The following TMEM145 variants were observed in gnomAD, a reference collection of about 807,000 sequenced individuals.
TMEM145 encodes transmembrane protein 145.
Under a neutral mutation model 68.5 loss-of-function variants are expected in TMEM145, and 46 were observed. The observed-to-expected ratio is 0.67, with a 90% CI of 0.53 to 0.86. The LOEUF is 0.86. Ranked by LOEUF, TMEM145 falls within the 40% of genes least tolerant of loss-of-function variation. The probability of loss-of-function intolerance (pLI) is 0.00; values close to 1 mark genes in which losing one functional copy is unlikely to be tolerated. For synonymous variants in TMEM145, 255 were observed against 280.2 expected, an observed-to-expected ratio of 0.91 and a Z score of 0.90; for missense variants, 570 against 645.8, an observed-to-expected ratio of 0.88 and a Z score of 1.27.
In TMEM145 at chr19:42,317,727, G is replaced by T; in HGVS notation, c.919G>T (p.Val307Leu). The T allele has an allele frequency of 6.2e-7, 1 of 1,614,184 alleles. No homozygotes were observed. The highest frequency in any genetic ancestry group is 1.1e-5 in the South Asian group (1 of 91,088). ...GGTCTAGTTCTTTGACCCAGGCCAG[G>T]TACTGTACACGTATGAGTCGCCGGC... ...YEAEFFDPGQ[V>L]LYTYESPAGY... is the part of the protein sequence containing the mutation. The change falls in exon 12 of 15, where the codon GTA (valine) becomes TTA (leucine). Residue 307 changes from valine (V) to leucine (L), a missense_variant. Transcript: ENST00000301204.
Position 42,322,980 on chromosome 19 carries a change from C to T in TMEM145, c.1195-603C>T, listed in dbSNP as rs372683276. On this transcript the variant is annotated intron_variant, in intron 13 of 14. Coordinates refer to ENST00000301204, the MANE Select transcript of TMEM145 (RefSeq NM_173633.3). ...CCTCCCCAAGTGCTGGGATTACAGG[C>T]GTGAGCCATGGCGCCTTGCCCACCA... 1.9e-4 allele frequency among the ~76,000 whole-genome samples: 29 copies of T among 152,298 alleles called. No homozygotes were observed. In the East Asian group the frequency reaches 2.9e-3, roughly 15 times the overall value.
intron 8 of TMEM145, 126 bp from the exon 9 acceptor site, chr19:42,316,355 C>G (rs768675118): frequency 1.1e-6 from 1 of 880,142 alleles, no homozygotes; most frequent in South Asian, 1.5e-5. Context: ...GCAGGTGAGT[C>G]GGGGTAGAAG....
At position 42,314,797 on chromosome 19, in the gene TMEM145, A is replaced by T; in HGVS notation, c.366A>T (p.Val122=). 6.2e-7 allele frequency: 1 copy of T among 1,614,210 alleles called. No individual in the cohort carries two copies. Among genetic ancestry groups the T allele is most frequent in the Non-Finnish European group, 8.5e-7 (1 of 1,180,024 alleles). Residue 122 remains valine, a synonymous_variant, in exon 5 of 15, where the codon GTA becomes GTT. Coordinates refer to ENST00000301204, the MANE Select transcript of TMEM145 (RefSeq NM_173633.3). ...TQYAWSGCQV[V]SEEGTRYLSC... Reference sequence around the variant, plus strand: ...GCCTTCTCGTTTGTCCCCAGGTGGTATCAGAGGAGGGAACCCGCTACCTGA... The same window carrying T: ...GCCTTCTCGTTTGTCCCCAGGTGGTTTCAGAGGAGGGAACCCGCTACCTGA...
Position 42,316,528 on chromosome 19 carries a change from G to A in TMEM145, c.694G>A (p.Asp232Asn), listed in dbSNP as rs377530307. 7.4e-6 allele frequency: 12 copies of A among 1,614,082 alleles called. No homozygotes were observed. The highest frequency in any genetic ancestry group is 4.5e-5 in the East Asian group (2 of 44,902). ...CATCTACTGGGGTCAATATGCCACC[G>A]ATGGCATTGGCAACGAGAGTGTGAA... ...FCIYWGQYAT[D>N]GIGNESVKIL... Residue 232 changes from aspartate (D) to asparagine (N), a missense_variant, in exon 9 of 15, where the codon GAT becomes AAT. Physicochemically the swap from Asp to Asn is conservative, Grantham distance 23. Coordinates refer to ENST00000301204, the MANE Select transcript of TMEM145 (RefSeq NM_173633.3).
Position 42,316,880 on chromosome 19 carries a change from A to T in TMEM145, c.817A>T (p.Ser273Cys). 1 of 1,613,506 alleles carries T rather than the reference A, an allele frequency of 6.2e-7. No homozygotes were observed. Among genetic ancestry groups the T allele is most frequent in the Non-Finnish European group, 8.5e-7 (1 of 1,179,916 alleles). Reference sequence around the variant, plus strand: ...ATGGCCTGCTGCCAGGGGCCGCATCAGCCACGCGGGCTCCGTGAAGTTGTC... The same window carrying T: ...ATGGCCTGCTGCCAGGGGCCGCATCTGCCACGCGGGCTCCGTGAAGTTGTC... ...KGFTVTRGRI[S>C]HAGSVKLSVY... The change falls in exon 11 of 15, where the codon AGC becomes TGC. Residue 273 changes from serine to cysteine, a missense_variant. By Grantham distance (112) the Ser-to-Cys change is moderately radical. Transcript: ENST00000301204.
intron 4 of TMEM145, 33 bp from the exon 5 acceptor site, chr19:42,314,759 A>G: frequency 6.2e-7 from 1 of 1,614,110 alleles, no homozygotes; most frequent in Non-Finnish European, 8.5e-7. Context: ...CGGGGCATCA[A>G]GGACAGGCTT....
chr19:42,323,975 C>G (rs1386586862), intron 14 of TMEM145, among the ~76,000 whole-genome samples, 186 bp downstream of exon 14: 1 of 151,988 alleles, frequency 6.6e-6, no homozygotes, highest in African/African-American at 2.4e-5. Context: ...CCCTGCCTGA[C>G]TGGGTTCTGG....
intron 13 of TMEM145, 22 bp from the exon 14 acceptor site, chr19:42,323,561 C>A: frequency 1.2e-6 from 2 of 1,612,452 alleles, no homozygotes; most frequent in Non-Finnish European, 1.7e-6. Flanking sequence ...CCTCTCACAC[C>A]TGCTCCTGGC....
At position 42,316,872 on chromosome 19, in the gene TMEM145, GC is replaced by G; in HGVS notation, c.811del (p.Arg271AlafsTer8). 1 of 1,613,252 alleles carries G rather than the reference GC, an allele frequency of 6.2e-7. No individual in the cohort carries two copies. The highest frequency in any genetic ancestry group is 1.1e-5 in the South Asian group (1 of 91,072). ...LLGKGFTVTR[G>X]RISHAGSVKL... ...CTCCCCTCATGGCCTGCTGCCAGGG[GC>G]CGCATCAGCCACGCGGGCTCCGTGA... On this transcript the variant is annotated frameshift_variant, in exon 11 of 15. Coordinates refer to ENST00000301204, the MANE Select transcript of TMEM145 (RefSeq NM_173633.3). LOFTEE classifies it high-confidence loss of function.
chr19:42,318,699 A>C (rs1324766067), intron 12 of TMEM145, among the ~76,000 whole-genome samples: 1 of 151,552 alleles, frequency 6.6e-6, no homozygotes, highest in Admixed American at 6.6e-5. Context: ...AAAAAAAAAA[A>C]AAACAGGATC....
chr19:42,314,264 T>C lies in TMEM145; in HGVS notation c.121-8T>C. 2.5e-6 allele frequency: 4 copies of C among 1,613,754 alleles called. No individual in the cohort carries two copies. Among genetic ancestry groups the C allele is most frequent in the Non-Finnish European group, 3.4e-6 (4 of 1,179,764 alleles). On this transcript the variant is annotated splice_polypyrimidine_tract_variant and splice_region_variant and intron_variant, in intron 1 of 14. Transcript: ENST00000301204. ...TCAGCGGAGGGTCAGACTGGGCCCCTTTTTCAGGACTGGGTGTTCCTGACA... is the reference window on the plus strand; with the variant it reads ...TCAGCGGAGGGTCAGACTGGGCCCCCTTTTCAGGACTGGGTGTTCCTGACA...
chr19:42,323,652 G>C lies in TMEM145; in HGVS notation c.1264G>C (p.Ala422Pro). The C allele has an allele frequency of 6.2e-7, 1 of 1,614,164 alleles. No homozygotes were observed. Among genetic ancestry groups the C allele is most frequent in the Non-Finnish European group, 8.5e-7 (1 of 1,180,014 alleles). Residue 422 changes from alanine to proline, a missense_variant, in exon 14 of 15, where the codon GCC becomes CCC. Transcript: ENST00000301204. ...YHVRTSQIASAGVPGPGGSQS... is the reference protein window; with the variant it reads ...YHVRTSQIASPGVPGPGGSQS... ...CGTGCGCACGTCGCAGATCGCTTCA[G>C]CCGGAGTCCCTGGACCCGGAGGGAG...
intron 13 of TMEM145, among the ~76,000 whole-genome samples, chr19:42,322,903 G>A (rs1289399216): frequency 6.6e-6 from 1 of 152,028 alleles, no homozygotes; most frequent in Non-Finnish European, 1.5e-5. Context: ...GTTTCACCAT[G>A]TTGGCCATGC....
rs995676376 is a variant in TMEM145 at position 42,313,841 on chromosome 19, C to G, written c.120+345C>G. 1.1e-4 allele frequency among the ~76,000 whole-genome samples: 16 copies of G among 152,140 alleles called. No individual in the cohort carries two copies. Among genetic ancestry groups the G allele is most frequent in the African/African-American group, 3.9e-4 (16 of 41,510 alleles). ...AGAGCCCCGAGCTCGCCGCCACACTCCCGCTCAGGACCGGGAGGGGGCCGT... is the reference window on the plus strand; with the variant it reads ...AGAGCCCCGAGCTCGCCGCCACACTGCCGCTCAGGACCGGGAGGGGGCCGT... On this transcript the variant is annotated intron_variant, in intron 1 of 14. Transcript: ENST00000301204. This position sits in a 1 kb window ranked among gnomAD's most constrained non-coding sequence, Gnocchi z 5.1.
Position 42,315,080 on chromosome 19 carries a change from G to A in TMEM145, c.505+3G>A. The stretch of plus-strand genomic sequence containing the variant: ...ACACTTCTCCGCTGATGAGTTTGGT[G>A]AGCACGTGGGGACCTAGAAACCAGG... On this transcript the variant is annotated splice_donor_region_variant and intron_variant, in intron 6 of 14. Coordinates refer to ENST00000301204, the MANE Select transcript of TMEM145 (RefSeq NM_173633.3). 1.9e-6 allele frequency: 3 copies of A among 1,614,190 alleles called. No individual in the cohort carries two copies. The East Asian group carries it at 6.7e-5, about 36-fold the overall frequency.
Position 42,324,936 on chromosome 19 carries a change from G to C in TMEM145, c.*119G>C. On this transcript the variant is annotated 3_prime_UTR_variant, in exon 15 of 15. Coordinates refer to ENST00000301204, the MANE Select transcript of TMEM145 (RefSeq NM_173633.3). ...GGTCTCGACCCTGAAACCCTCCCTC[G>C]GATCTGTGACCTCGGACCCGTACTC... is the stretch of plus-strand genomic sequence containing the variant. 7.6e-7 allele frequency: 1 copy of C among 1,309,164 alleles called. No homozygotes were observed. 81.1% of individuals were successfully genotyped at this position (1,309,164 alleles called of 1,614,324 possible).
intron 12 of TMEM145, among the ~76,000 whole-genome samples, chr19:42,319,744 G>T (rs1372064507): frequency 6.8e-6 from 1 of 147,242 alleles, no homozygotes. Context: ...CACTGTGCCC[G>T]GCCTGATTTC....
At position 42,313,571 on chromosome 19, in the gene TMEM145, G is replaced by T; in HGVS notation, c.120+75G>T. The stretch of plus-strand genomic sequence containing the variant: ...AAGGGAGGCGAGGGGAGCGGGTACC[G>T]CCTCGCCCCCTGCCGCCCCTCCTGG... On this transcript the variant is annotated intron_variant, in intron 1 of 14. Coordinates refer to ENST00000301204, the MANE Select transcript of TMEM145 (RefSeq NM_173633.3). The surrounding 1 kb of genome is among the most constrained non-coding windows in gnomAD (Gnocchi z 5.1). 8.7e-7 allele frequency: 1 copy of T among 1,143,532 alleles called. No homozygotes were observed. The highest frequency in any genetic ancestry group is 1.1e-6 in the Non-Finnish European group (1 of 899,894). The allele number at this position is 1,143,532 out of a possible 1,614,324, so 70.8% of individuals were successfully genotyped here. A position where few individuals can be genotyped will look rare whatever the true frequency, so the allele number is the denominator to read the frequency against.
At chr19:42,320,924 G>A (rs564577435) in intron 13 of TMEM145, 15 of 396,938 alleles carry the variant, frequency 3.8e-5, no homozygotes, top group African/African-American at 6.2e-5. Flanking sequence ...CCACCTCGCC[G>A]GGCCCATGCC....
Sources: gnomAD v4.1 joint callset for allele counts (sites outside exome capture counted in the v4.1 genomes callset) on GRCh38, gnomAD v4.1.1 for gene constraint, Gnocchi (gnomAD v3.1) non-coding constraint, MANE v1.5 for transcripts, NCBI Gene and HGNC (gene_info 2026-07-23, HGNC 2026-07-21) for gene names.